BACE2: variants seen among roughly 807,000 people sequenced by gnomAD.
The protein encoded by BACE2 is beta-secretase 2.
BACE2 carries 17 observed loss-of-function variants against 46.2 expected under a neutral mutation model. The observed-to-expected ratio is 0.37, with a 90% CI of 0.25 to 0.55. The LOEUF is 0.55. Ranked by LOEUF, BACE2 falls within the 20% of genes least tolerant of loss-of-function variation. The pLI is 0.82. For synonymous variants in BACE2, 277 were observed against 295.9 expected, an observed-to-expected ratio of 0.94 and a Z score of 0.66; for missense variants, 595 against 698.1, an observed-to-expected ratio of 0.85 and a Z score of 1.66.
Position 41,246,252 on chromosome 21 carries a change from A to G in BACE2, c.984+189A>G, listed in dbSNP as rs184452897. 147 of 331,034 alleles carry G rather than the reference A, an allele frequency of 4.4e-4. 1 individual carries two copies. The Middle Eastern group carries it at 8.1e-3, about 18-fold the overall frequency. 20.5% of individuals were successfully genotyped at this position (331,034 alleles called of 1,614,324 possible). On this transcript the variant is annotated intron_variant, in intron 6 of 8. Transcript: ENST00000330333. The stretch of plus-strand genomic sequence containing the variant: ...TGTAAATATATTTTATATGTATTTA[A>G]AATCTTTATATTTTGAAGGGTTTTG...
chr21:41,244,790 G>A, intron 5 of BACE2, among the ~76,000 whole-genome samples: 1 of 152,148 alleles, frequency 6.6e-6, no homozygotes, highest in Non-Finnish European at 1.5e-5. Context: ...TTATTGTCAA[G>A]AGGCACTTAT....
chr21:41,192,857 G>A (rs1379735065), intron 1 of BACE2, among the ~76,000 whole-genome samples: 1 of 152,216 alleles, frequency 6.6e-6, no homozygotes, highest in African/African-American at 2.4e-5. Flanking sequence ...ATCCAGATAG[G>A]CATTGTGCTC....
At chr21:41,254,501 A>G (rs931875742) in intron 7 of BACE2, among the ~76,000 whole-genome samples, 11 of 152,110 alleles carry the variant, frequency 7.2e-5, no homozygotes, top group African/African-American at 2.4e-4. Flanking sequence ...ATCATTACTC[A>G]CAGGAAGGTT....
chr21:41,179,847 A>T (rs1985044026), intron 1 of BACE2: 4 of 404,272 alleles, frequency 9.9e-6, no homozygotes, highest in Admixed American at 7.1e-5. Context: ...TGACACATGG[A>T]TGTAAGTGTG....
chr21:41,168,522 G>A lies in BACE2; in HGVS notation c.259G>A (p.Asp87Asn). 7.4e-7 allele frequency: 1 copy of A among 1,353,794 alleles called. No homozygotes were observed. The highest frequency in any genetic ancestry group is 9.6e-7 in the Non-Finnish European group (1 of 1,045,554). 83.9% of individuals were successfully genotyped at this position (1,353,794 alleles called of 1,614,324 possible). ...GGCCATGGTAGACAACCTGCAGGGG[G>A]ACTCTGGCCGCGGCTACTACCTGGA... ...FLAMVDNLQGDSGRGYYLEML... is the reference protein window; with the variant it reads ...FLAMVDNLQGNSGRGYYLEML... The change falls in exon 1 of 9, where the codon GAC (aspartate) becomes AAC (asparagine). Residue 87 changes from aspartate to asparagine, a missense_variant. Around this residue, in one of 3 missense-constraint regions of BACE2, gnomAD observed 248 missense variants for 261.4 expected, o/e 0.95. Coordinates refer to ENST00000330333, the MANE Select transcript of BACE2 (RefSeq NM_012105.5).
intron 3 of BACE2, among the ~76,000 whole-genome samples, chr21:41,241,083 G>A (rs1478918228): frequency 1.3e-5 from 2 of 152,048 alleles, no homozygotes; most frequent in Admixed American, 6.5e-5. Context: ...CATGACCACC[G>A]GCACCCCTGG....
In BACE2 at chr21:41,236,445, G is replaced by A. The variant is rs374092758; in HGVS notation, c.402-1068G>A. Among the ~76,000 whole-genome samples the A allele has an allele frequency of 3.3e-5, 5 of 152,264 alleles. No individual in the cohort carries two copies. The South Asian group carries it at 6.2e-4, about 19-fold the overall frequency. On this transcript the variant is annotated intron_variant, in intron 2 of 8. Coordinates refer to ENST00000330333, the MANE Select transcript of BACE2 (RefSeq NM_012105.5). The stretch of plus-strand genomic sequence containing the variant: ...TCCTCACTGCAGCATAAACTGAGGG[G>A]GCAGGACTTTCGTCTGATCTTGTGA...
In BACE2 at chr21:41,180,395, T is replaced by G. The variant is rs1297059853; in HGVS notation, c.312+11820T>G. On this transcript the variant is annotated intron_variant, in intron 1 of 8. Coordinates refer to ENST00000330333, the MANE Select transcript of BACE2 (RefSeq NM_012105.5). ...GGGGCTGCAGAAGGGCGGAGATCTG[T>G]TTTCCGTAACTACTTCCTGCTGAGT... 1.8e-5 allele frequency: 3 copies of G among 169,434 alleles called. No homozygotes were observed. The East Asian group carries it at 5.8e-4, about 33-fold the overall frequency. The allele number at this position is 169,434 out of a possible 1,614,324, so 10.5% of individuals were successfully genotyped here. A position where few individuals can be genotyped will look rare whatever the true frequency, so the allele number is the denominator to read the frequency against.
intron 3 of BACE2, among the ~76,000 whole-genome samples, chr21:41,241,520 T>C (rs1987285378): frequency 6.6e-6 from 1 of 152,154 alleles, no homozygotes; most frequent in South Asian, 2.1e-4. Context: ...CTTCCACGGC[T>C]TCTCACACCC....
At chr21:41,184,549 G>A (rs1164742409) in intron 1 of BACE2, 1 of 167,068 alleles carries the variant, frequency 6.0e-6, no homozygotes, top group African/African-American at 2.4e-5. Context: ...TTCCACAGTG[G>A]ACACAGGCTT....
rs1987168971 is a variant in BACE2 at position 41,237,757 on chromosome 21, A to G, written c.618+28A>G. ...AAGGCTAATCCATGGATTTAAGGAA[A>G]TCAAATAACAGGATGAGATTCTGAA... On this transcript the variant is annotated intron_variant, in intron 3 of 8. Coordinates refer to ENST00000330333, the MANE Select transcript of BACE2 (RefSeq NM_012105.5). The G allele has an allele frequency of 1.9e-6, 3 of 1,568,238 alleles. No homozygotes were observed. In the South Asian group the frequency reaches 3.3e-5, roughly 17 times the overall value.
At chr21:41,234,368 C>T (rs1039714791) in intron 2 of BACE2, among the ~76,000 whole-genome samples, 3 of 152,206 alleles carry the variant, frequency 2.0e-5, no homozygotes, top group African/African-American at 7.2e-5. Flanking sequence ...CAGGAGTTGG[C>T]AAACTCTAGC....
rs1420560217 is a variant in BACE2, at chr21:41,246,898, T to C, written c.984+835T>C. 2.0e-5 allele frequency among the ~76,000 whole-genome samples: 3 copies of C among 152,186 alleles called. No homozygotes were observed. The East Asian group carries it at 5.8e-4, about 29-fold the overall frequency. On this transcript the variant is annotated intron_variant, in intron 6 of 8. Coordinates refer to ENST00000330333, the MANE Select transcript of BACE2 (RefSeq NM_012105.5). ...GGGTGGTTGTGAGTTTTGGGTCAAA[T>C]GCTTGGTGTTTAGTAGATGCTTGGA...
chr21:41,179,030 G>T, intron 1 of BACE2: 1 of 1,057,764 alleles, frequency 9.5e-7, no homozygotes, highest in Non-Finnish European at 1.2e-6. Context: ...GTTAGGGAAA[G>T]CGTGTCCCAG....
chr21:41,223,819 G>A (rs974784468), intron 1 of BACE2, among the ~76,000 whole-genome samples: 1 of 152,194 alleles, frequency 6.6e-6, no homozygotes, highest in East Asian at 1.9e-4. Context: ...TGCATGCGCA[G>A]CCCGGGGCCG....
chr21:41,270,492 T>C (rs966564956), intron 8 of BACE2, among the ~76,000 whole-genome samples: 12 of 152,148 alleles, frequency 7.9e-5, no homozygotes, highest in African/African-American at 2.9e-4. Flanking sequence ...GCATAGTTCA[T>C]TGCAGCCTCC....
rs895776446 is a variant in BACE2, at chr21:41,282,454, G to T, written c.*6830G>T. ...AATAATCTTATTTTTATACTTGTAT[G>T]TTCCAGCAATTTAAGATATATACCA... On this transcript the variant is annotated 3_prime_UTR_variant, in exon 9 of 9. Transcript: ENST00000330333. 13 of 152,170 alleles carry T rather than the reference G, an allele frequency of 8.5e-5. No individual in the cohort carries two copies. The highest frequency in any genetic ancestry group is 2.9e-4 in the African/African-American group (12 of 41,434). The allele number at this position is 152,170 out of a possible 1,614,324, so 9.4% of individuals were successfully genotyped here.
Position 41,168,543 on chromosome 21 carries a change from C to A in BACE2, c.280C>A (p.Leu94Met). 7.5e-7 allele frequency: 1 copy of A among 1,339,892 alleles called. No individual in the cohort carries two copies. Among genetic ancestry groups the A allele is most frequent in the Non-Finnish European group, 9.6e-7 (1 of 1,037,890 alleles). 83.0% of individuals were successfully genotyped at this position (1,339,892 alleles called of 1,614,324 possible). A position where few individuals can be genotyped will look rare whatever the true frequency, so the allele number is the denominator to read the frequency against. Reference sequence around the variant, plus strand: ...GGGGGACTCTGGCCGCGGCTACTACCTGGAGATGCTGATCGGGACCCCCCC... The same window carrying A: ...GGGGGACTCTGGCCGCGGCTACTACATGGAGATGCTGATCGGGACCCCCCC... ...LQGDSGRGYY[L>M]EMLIGTPPQK... The change falls in exon 1 of 9, where the codon CTG becomes ATG. Residue 94 changes from leucine to methionine, a missense_variant. Leu to Met is a conservative substitution (Grantham distance 15). Around this residue, in one of 3 missense-constraint regions of BACE2, gnomAD observed 248 missense variants for 261.4 expected, o/e 0.95. Coordinates refer to ENST00000330333, the MANE Select transcript of BACE2 (RefSeq NM_012105.5).
chr21:41,246,111 C>A, intron 6 of BACE2, 48 bp downstream of exon 6: 1 of 1,471,204 alleles, frequency 6.8e-7, no homozygotes, highest in South Asian at 1.2e-5. Context: ...GAGTTACAGT[C>A]ACCTGCTGAG....
Sources: allele counts gnomAD v4.1 joint callset (sites outside exome capture counted in the v4.1 genomes callset), GRCh38; gene constraint gnomAD v4.1.1; regional missense constraint gnomAD v4.1.1; transcripts MANE v1.5; gene names NCBI Gene and HGNC (gene_info 2026-07-23, HGNC 2026-07-21).